The following DPP6 variants were observed in gnomAD, a reference collection of about 807,000 sequenced individuals.
DPP6 encodes dipeptidyl peptidase like 6.
Under a neutral mutation model 122.6 loss-of-function variants are expected in DPP6, and 69 were observed. The ratio of observed to expected loss-of-function variants is 0.56; its 90% CI spans 0.46 to 0.69. The LOEUF is 0.69. DPP6 is among the 30% of genes least tolerant of loss of function. The pLI is 0.00. For synonymous variants in DPP6, 418 were observed against 433.1 expected, an observed-to-expected ratio of 0.97 and a Z score of 0.43; for missense variants, 928 against 1,116.9, an observed-to-expected ratio of 0.83 and a Z score of 2.41.
At position 154,868,209 on chromosome 7, in the gene DPP6, G is replaced by A; in HGVS notation, c.1813+116G>A. ...AGGAAGACTCCCCAAGCACGGGGGTGTATCTTTGCCCCTCAGCTCCTCTGG... is the reference window on the plus strand; with the variant it reads ...AGGAAGACTCCCCAAGCACGGGGGTATATCTTTGCCCCTCAGCTCCTCTGG... On this transcript the variant is annotated intron_variant, in intron 18 of 25. Coordinates refer to ENST00000377770, the MANE Select transcript of DPP6 (RefSeq NM_130797.4). The A allele has an allele frequency of 3.7e-6, 5 of 1,350,118 alleles. No individual in the cohort carries two copies. The Middle Eastern group carries it at 7.4e-4, about 199-fold the overall frequency. 83.6% of individuals were successfully genotyped at this position (1,350,118 alleles called of 1,614,324 possible). A position where few individuals can be genotyped will look rare whatever the true frequency, so the allele number is the denominator to read the frequency against.
intron 1 of DPP6, among the ~76,000 whole-genome samples, chr7:154,017,563 G>T (rs1438441102): frequency 2.0e-5 from 3 of 151,522 alleles, no homozygotes; most frequent in African/African-American, 7.3e-5. Context: ...AGTTGGGCAT[G>T]GTGGTATGTG....
intron 8 of DPP6, among the ~76,000 whole-genome samples, chr7:154,752,587 G>T (rs1282568902): frequency 6.6e-6 from 1 of 152,158 alleles, no homozygotes; most frequent in Admixed American, 6.5e-5. Flanking sequence ...TGGTCTTCCT[G>T]TAGGTACTAA....
intron 6 of DPP6, among the ~76,000 whole-genome samples, chr7:154,652,087 T>C (rs77117533): frequency 0.017 from 2,581 of 152,220 alleles, 117 homozygotes; most frequent in East Asian, 0.095. Context: ...TCCTGAGAAT[T>C]AGCAGTAGGA....
intron 1 of DPP6, among the ~76,000 whole-genome samples, chr7:154,090,466 A>C (rs921731553): frequency 2.6e-5 from 4 of 152,242 alleles, no homozygotes; most frequent in African/African-American, 9.6e-5. Context: ...GTATGTTATG[A>C]AATCTAGGGT....
At chr7:154,350,874 T>C (rs1810793932) in intron 1 of DPP6, among the ~76,000 whole-genome samples, 1 of 152,138 alleles carries the variant, frequency 6.6e-6, no homozygotes, top group Non-Finnish European at 1.5e-5. Flanking sequence ...GCTTAGGAGC[T>C]GGAGATCACT....
intron 1 of DPP6, among the ~76,000 whole-genome samples, chr7:153,891,039 T>TTTTTTTTG (rs1799175412): frequency 2.6e-5 from 2 of 77,846 alleles, no homozygotes; most frequent in African/African-American, 9.6e-5. Flanking sequence ...TTTTTTTTTT[T>TTTTTTTTG]GAGATGGAGT....
At chr7:154,844,463 G>T (rs75428129) in intron 16 of DPP6, among the ~76,000 whole-genome samples, 24 of 152,370 alleles carry the variant, frequency 1.6e-4, no homozygotes, top group African/African-American at 5.0e-4. Context: ...CAAATTTTGA[G>T]TATCTGATTC....
At chr7:154,646,045 A>AAAAAAAC (rs1554421912) in intron 6 of DPP6, among the ~76,000 whole-genome samples, 14 of 147,672 alleles carry the variant, frequency 9.5e-5, no homozygotes, top group African/African-American at 3.1e-4. Flanking sequence ...AAAAAAAAAA[A>AAAAAAAC]GAAAATACTG....
chr7:154,440,262 G>A (rs1384638073), intron 1 of DPP6, among the ~76,000 whole-genome samples: 1 of 152,128 alleles, frequency 6.6e-6, no homozygotes, highest in African/African-American at 2.4e-5. Flanking sequence ...AGCTGCCCAC[G>A]CCTGCAGTCT....
intron 1 of DPP6, among the ~76,000 whole-genome samples, chr7:153,966,638 A>G (rs39168): frequency 0.81 from 103,643 of 127,420 alleles, 42,563 homozygotes; most frequent in East Asian, 1. Context: ...TTTTTACAGT[A>G]TATGTGCACA....
intron 8 of DPP6, among the ~76,000 whole-genome samples, chr7:154,738,606 C>A (rs1038715554): frequency 6.6e-6 from 1 of 152,140 alleles, no homozygotes; most frequent in Non-Finnish European, 1.5e-5. Context: ...GGCAGTAGTA[C>A]ACAATGAAGA....
rs1164127247 is a variant in DPP6, at chr7:153,975,510, C to T, written c.51+87776C>T. 3.3e-5 allele frequency among the ~76,000 whole-genome samples: 5 copies of T among 149,330 alleles called. No homozygotes were observed. In the East Asian group the frequency reaches 9.9e-4, roughly 30 times the overall value. ...GTTATGGGTCTACAGGGAATTAAGG[C>T]AACTTGAACTAAGAGAGAAAACTAT... On this transcript the variant is annotated intron_variant, in intron 1 of 25. Coordinates refer to the DPP6 transcript ENST00000404039.
At chr7:154,388,225 C>T (rs1814290577) in intron 1 of DPP6, among the ~76,000 whole-genome samples, 1 of 152,042 alleles carries the variant, frequency 6.6e-6, no homozygotes, top group Non-Finnish European at 1.5e-5. Flanking sequence ...ATTGCTTGAG[C>T]CTGAAAGGTC....
intron 5 of DPP6, among the ~76,000 whole-genome samples, chr7:154,626,614 T>C (rs967528454): frequency 2.0e-5 from 3 of 152,230 alleles, no homozygotes; most frequent in Non-Finnish European, 4.4e-5. Flanking sequence ...AGATACATAT[T>C]TGAAGAAGCT....
chr7:154,331,659 G>A (rs1025281903), intron 1 of DPP6, among the ~76,000 whole-genome samples: 35 of 152,154 alleles, frequency 2.3e-4, no homozygotes, highest in East Asian at 1.9e-4. Context: ...CTACCATCCC[G>A]CAGCACATGG....
chr7:154,697,666 A>T (rs1840295070), intron 7 of DPP6, among the ~76,000 whole-genome samples: 1 of 152,220 alleles, frequency 6.6e-6, no homozygotes, highest in Non-Finnish European at 1.5e-5. Flanking sequence ...GTTGATATAA[A>T]GACTGGTTTT....
intron 16 of DPP6, among the ~76,000 whole-genome samples, chr7:154,834,685 C>T (rs950539626): frequency 6.6e-6 from 1 of 152,246 alleles, no homozygotes; most frequent in Non-Finnish European, 1.5e-5. Context: ...AGTGCAAGAC[C>T]TTCACTAGAC....
chr7:153,909,661 C>G (rs921195738), intron 1 of DPP6, among the ~76,000 whole-genome samples: 1 of 152,144 alleles, frequency 6.6e-6, no homozygotes, highest in Admixed American at 6.5e-5. Context: ...GTGGTCAGTT[C>G]CCACTTAAGT....
intron 1 of DPP6, among the ~76,000 whole-genome samples, chr7:154,077,095 A>T (rs950712410): frequency 6.6e-6 from 1 of 152,208 alleles, no homozygotes; most frequent in East Asian, 1.9e-4. Flanking sequence ...TAAGACCTCT[A>T]TGTTTCATGT....
Sources: gnomAD v4.1 joint callset for allele counts (sites outside exome capture counted in the v4.1 genomes callset) on GRCh38, gnomAD v4.1.1 for gene constraint, MANE v1.5 for transcripts, NCBI Gene and HGNC (gene_info 2026-07-23, HGNC 2026-07-21) for gene names.